The following EMP1 variants were observed in gnomAD, a reference collection of about 807,000 sequenced individuals.
EMP1 encodes tumor-associated membrane protein.
A neutral mutation model predicts 15.7 loss-of-function variants in EMP1; 5 were observed. The observed-to-expected ratio is 0.32, with a 90% CI of 0.17 to 0.67. The LOEUF (loss-of-function observed/expected upper bound fraction) is 0.67, where lower values mean the gene tolerates loss of function less well. Ranked by LOEUF, EMP1 falls within the 30% of genes least tolerant of loss-of-function variation. The pLI is 0.74. For missense variants in EMP1, 166 were observed against 194.2 expected, an observed-to-expected ratio of 0.85 and a Z score of 0.86; for synonymous variants, 78 against 76.7, an observed-to-expected ratio of 1.02 and a Z score of -0.09.
intron 1 of EMP1, among the ~76,000 whole-genome samples, chr12:13,206,624 C>A (rs1160920186): frequency 6.6e-6 from 1 of 152,218 alleles, no homozygotes; most frequent in Non-Finnish European, 1.5e-5. Flanking sequence ...ATTGCTGCTG[C>A]CGCCAGGCCC....
rs1346186483 is a variant in EMP1 at position 13,216,856 on chromosome 12, G to A, written c.*2165G>A. The A allele has an allele frequency of 1.8e-5, 3 of 164,970 alleles. No homozygotes were observed. Among genetic ancestry groups the A allele is most frequent in the African/African-American group, 7.2e-5 (3 of 41,812 alleles). The allele number at this position is 164,970 out of a possible 1,614,324, so 10.2% of individuals were successfully genotyped here. A position where few individuals can be genotyped will look rare whatever the true frequency, so the allele number is the denominator to read the frequency against. On this transcript the variant is annotated 3_prime_UTR_variant, in exon 5 of 5. Transcript: ENST00000256951. The stretch of plus-strand genomic sequence containing the variant: ...TTATCCCTCATTAAGCTGCCTATCA[G>A]TTTGATTTGGACAACTTGACATTTA...
chr12:13,217,237 C>G lies in EMP1; in HGVS notation c.*2546C>G, dbSNP rs1864223049. ...GCTCTGTGAGTGAAGGGAGGCTTCA[C>G]TACTTTCTGTGAGCAGTAAGGACTG... On this transcript the variant is annotated 3_prime_UTR_variant, in exon 5 of 5. Coordinates refer to ENST00000256951, the MANE Select transcript of EMP1 (RefSeq NM_001423.3). 6.6e-6 allele frequency: 1 copy of G among 152,198 alleles called. No homozygotes were observed. Among genetic ancestry groups the G allele is most frequent in the Non-Finnish European group, 1.5e-5 (1 of 68,048 alleles). 9.4% of individuals were successfully genotyped at this position (152,198 alleles called of 1,614,324 possible).
intron 2 of EMP1, among the ~76,000 whole-genome samples, chr12:13,212,396 A>G (rs1864173085): frequency 6.6e-6 from 1 of 152,220 alleles, no homozygotes; most frequent in Non-Finnish European, 1.5e-5. Flanking sequence ...GAATCTGTTT[A>G]GGTCCCTATC....
chr12:13,200,108 T>C (rs983790510), intron 1 of EMP1, among the ~76,000 whole-genome samples: 14 of 152,132 alleles, frequency 9.2e-5, no homozygotes, highest in Non-Finnish European at 1.9e-4. Flanking sequence ...GTTCCTTCTT[T>C]AACCTCCCAC....
intron 1 of EMP1, among the ~76,000 whole-genome samples, chr12:13,209,903 T>C (rs1864149610): frequency 6.6e-6 from 1 of 152,134 alleles, no homozygotes; most frequent in Admixed American, 6.5e-5. Flanking sequence ...ATAAACGTCA[T>C]AATTTTTGCA....
intron 1 of EMP1, among the ~76,000 whole-genome samples, chr12:13,206,269 A>T (rs950979456): frequency 6.6e-6 from 1 of 152,188 alleles, no homozygotes. Context: ...GGCCTTTCTT[A>T]AGCTGCCAGG....
Position 13,211,871 on chromosome 12 carries a change from T to C in EMP1, c.78+283T>C, listed in dbSNP as rs1034343398. The C allele has an allele frequency of 4.8e-6, 2 of 413,944 alleles. No individual in the cohort carries two copies. 25.6% of individuals were successfully genotyped at this position (413,944 alleles called of 1,614,324 possible). ...AGAAGAGCCTTCCCAGCAGCAGGGG[T>C]GAGTGGAGCTTGAGGTGAACCTGGA... On this transcript the variant is annotated intron_variant, in intron 2 of 4. Coordinates refer to ENST00000256951, the MANE Select transcript of EMP1 (RefSeq NM_001423.3). The surrounding 1 kb of genome is among the most constrained non-coding windows in gnomAD (Gnocchi z 4.7).
chr12:13,207,335 A>T (rs1864119486), intron 1 of EMP1, among the ~76,000 whole-genome samples: 1 of 151,912 alleles, frequency 6.6e-6, no homozygotes, highest in Admixed American at 6.6e-5. Flanking sequence ...ATGATCTCGA[A>T]CTCCCTCAGG....
chr12:13,201,770 G>A (rs1424818787), intron 1 of EMP1, among the ~76,000 whole-genome samples: 1 of 152,204 alleles, frequency 6.6e-6, no homozygotes, highest in African/African-American at 2.4e-5. Context: ...TGCCAGCTCA[G>A]ATGAGGAGGG....
chr12:13,212,082 T>C (rs1323680502), intron 2 of EMP1, among the ~76,000 whole-genome samples: 1 of 152,168 alleles, frequency 6.6e-6, no homozygotes, highest in African/African-American at 2.4e-5. Flanking sequence ...GAAGCTTGAT[T>C]AGAAGGATAG....
chr12:13,203,225 C>T (rs1357814960), intron 1 of EMP1, among the ~76,000 whole-genome samples: 1 of 152,210 alleles, frequency 6.6e-6, no homozygotes, highest in Non-Finnish European at 1.5e-5. Context: ...TCTTCCCAAA[C>T]CCCTAGTTAT....
chr12:13,214,612 A>C lies in EMP1; in HGVS notation c.395A>C (p.Tyr132Ser). ...GATGGAACGCAGTATCACCACGGCT[A>C]TTCCTACATCCTGGGCTGGATCTGC... is the stretch of plus-strand genomic sequence containing the variant. ...NRDGTQYHHG[Y>S]SYILGWICFC... The change falls in exon 5 of 5, where the codon TAT becomes TCT. Residue 132 changes from tyrosine (Y) to serine (S), a missense_variant. Physicochemically the swap from Tyr to Ser is moderately radical, Grantham distance 144. Coordinates refer to ENST00000256951, the MANE Select transcript of EMP1 (RefSeq NM_001423.3). 13 of 1,613,780 alleles carry C rather than the reference A, an allele frequency of 8.1e-6. No homozygotes were observed. Among genetic ancestry groups the C allele is most frequent in the Non-Finnish European group, 1.1e-5 (13 of 1,179,958 alleles).
At chr12:13,198,202 T>G (rs1040652954) in intron 1 of EMP1, among the ~76,000 whole-genome samples, 4 of 152,252 alleles carry the variant, frequency 2.6e-5, no homozygotes, top group African/African-American at 9.6e-5. Flanking sequence ...ATTGTATAAA[T>G]GCAAACACTC....
intron 1 of EMP1, 150 bp downstream of exon 1, chr12:13,197,022 C>G (rs1488851080): frequency 6.6e-6 from 1 of 152,238 alleles, no homozygotes; most frequent in Non-Finnish European, 1.5e-5. Flanking sequence ...GTCCTTGAAA[C>G]TTTTGGCTCA....
rs1864166829 is a variant in EMP1, at chr12:13,211,743, A to C, written c.78+155A>C. ...ATAAACACACGCTTGCCCTTCAAACAATTAAATAACAGGAGGATAAAAGTG... is the reference window on the plus strand; with the variant it reads ...ATAAACACACGCTTGCCCTTCAAACCATTAAATAACAGGAGGATAAAAGTG... On this transcript the variant is annotated intron_variant, in intron 2 of 4. Transcript: ENST00000256951. This position sits in a 1 kb window ranked among gnomAD's most constrained non-coding sequence, Gnocchi z 4.7. 5.3e-6 allele frequency: 4 copies of C among 749,454 alleles called. No homozygotes were observed. In the South Asian group the frequency reaches 6.9e-5, roughly 13 times the overall value. 46.4% of individuals were successfully genotyped at this position (749,454 alleles called of 1,614,324 possible). A position where few individuals can be genotyped will look rare whatever the true frequency, so the allele number is the denominator to read the frequency against.
At chr12:13,204,733 G>A (rs1864096547) in intron 1 of EMP1, among the ~76,000 whole-genome samples, 1 of 152,158 alleles carries the variant, frequency 6.6e-6, no homozygotes, top group Non-Finnish European at 1.5e-5. Context: ...CCACGTCTTT[G>A]GTCAGATGCT....
intron 1 of EMP1, among the ~76,000 whole-genome samples, chr12:13,206,397 A>G (rs978090102): frequency 6.6e-6 from 1 of 152,138 alleles, no homozygotes; most frequent in Non-Finnish European, 1.5e-5. Context: ...CAAATGAATC[A>G]TGGAAATTTG....
Position 13,218,822 on chromosome 12 carries a change from C to T in EMP1, c.*4131C>T, listed in dbSNP as rs1047790127. 6 of 152,172 alleles carry T rather than the reference C, an allele frequency of 3.9e-5. No individual in the cohort carries two copies. The highest frequency in any genetic ancestry group is 8.8e-5 in the Non-Finnish European group (6 of 68,030). 9.4% of individuals were successfully genotyped at this position (152,172 alleles called of 1,614,324 possible). A position where few individuals can be genotyped will look rare whatever the true frequency, so the allele number is the denominator to read the frequency against. ...AAGCAGACATGTGTCCCATCTTCTT[C>T]CAGCTTTCAGTCTAGCTTGGAAATA... is the stretch of plus-strand genomic sequence containing the variant. On this transcript the variant is annotated 3_prime_UTR_variant, in exon 5 of 5. Coordinates refer to ENST00000256951, the MANE Select transcript of EMP1 (RefSeq NM_001423.3).
chr12:13,207,626 C>A (rs1351496122), intron 1 of EMP1, among the ~76,000 whole-genome samples: 1 of 152,154 alleles, frequency 6.6e-6, no homozygotes, highest in Non-Finnish European at 1.5e-5. Context: ...ATCTCCATTT[C>A]TCTTAATAAT....
Sources: gnomAD v4.1 joint callset for allele counts (sites outside exome capture counted in the v4.1 genomes callset) on GRCh38, gnomAD v4.1.1 for gene constraint, Gnocchi (gnomAD v3.1) non-coding constraint, MANE v1.5 for transcripts, NCBI Gene and HGNC (gene_info 2026-07-23, HGNC 2026-07-21) for gene names.